The following ZC2HC1B variants were observed in gnomAD, a reference collection of about 807,000 sequenced individuals.
ZC2HC1B encodes the protein zinc finger C2HC domain-containing protein 1B.
In ZC2HC1B, 36 loss-of-function variants were observed where a neutral mutation model predicts 31.0. The ratio of observed to expected loss-of-function variants is 1.16; its 90% confidence interval spans 0.89 to 1.54. The LOEUF (loss-of-function observed/expected upper bound fraction) is 1.54, where lower values mean the gene tolerates loss of function less well. ZC2HC1B is among the 40% of genes most tolerant of loss of function. The pLI, the probability that ZC2HC1B is intolerant of heterozygous loss-of-function variation, is 0.00. For synonymous variants in ZC2HC1B, 73 were observed against 88.0 expected (o/e 0.83, Z 0.95); for missense variants, 260 against 268.6 (o/e 0.97, Z 0.22).
Position 143,884,925 on chromosome 6 carries a change from A to G in ZC2HC1B, c.90+560A>G, listed in dbSNP as rs1777512492. ...TGTTGTACAGATTCAAGCTAACGGC[A>G]TGTCAAGTCCCCGATTGATGGCTAT... On this transcript the variant is annotated intron_variant, in intron 2 of 7. Coordinates refer to ENST00000237275, the MANE Select transcript of ZC2HC1B (RefSeq NM_001013623.3). This position sits in a 1 kb window ranked among gnomAD's most constrained non-coding sequence, Gnocchi z 5.1. Among the ~76,000 whole-genome samples the G allele has an allele frequency of 6.6e-6, 1 of 152,224 alleles. No homozygotes were observed. The highest frequency in any genetic ancestry group is 2.4e-5 in the African/African-American group (1 of 41,462).
In ZC2HC1B at chr6:143,921,363, A is replaced by G. The variant is rs1379961597; in HGVS notation, c.599-16286A>G. 6.6e-6 allele frequency among the ~76,000 whole-genome samples: 1 copy of G among 152,248 alleles called. No individual in the cohort carries two copies. Among genetic ancestry groups the G allele is most frequent in the African/African-American group, 2.4e-5 (1 of 41,466 alleles). ...AAAGAAATGGAATATAAGTTTCAAG[A>G]AAGGGGAATTCTCTACTGTATCTTT... is the stretch of plus-strand genomic sequence containing the variant. On this transcript the variant is annotated intron_variant, in intron 6 of 7. Transcript: ENST00000237275. The surrounding 1 kb of genome is among the most constrained non-coding windows in gnomAD (Gnocchi z 6.1).
chr6:143,882,289 G>A (rs949339574), intron 1 of ZC2HC1B, among the ~76,000 whole-genome samples: 1 of 139,346 alleles, frequency 7.2e-6, no homozygotes, highest in African/African-American at 2.8e-5. Context: ...GTAGTTTCAG[G>A]TTGTGGTACC....
intron 6 of ZC2HC1B, among the ~76,000 whole-genome samples, chr6:143,906,079 C>T (rs1777791019): frequency 6.6e-6 from 1 of 152,184 alleles, no homozygotes; most frequent in East Asian, 1.9e-4. Context: ...TTCTTCAACA[C>T]ATTTGGGAAA....
At chr6:143,876,159 T>C (rs917247832) in intron 1 of ZC2HC1B, among the ~76,000 whole-genome samples, 1 of 150,624 alleles carries the variant, frequency 6.6e-6, no homozygotes, top group African/African-American at 2.5e-5. Context: ...GAGATAAGAC[T>C]CTCACTCAGG....
intron 1 of ZC2HC1B, among the ~76,000 whole-genome samples, chr6:143,874,915 C>A (rs1488330426): frequency 6.6e-6 from 1 of 152,168 alleles, no homozygotes. Flanking sequence ...TCACTGCAAC[C>A]ACCACCTCCC....
In ZC2HC1B at chr6:143,905,979, A is replaced by C. The variant is rs1300771673; in HGVS notation, c.598+2827A>C. 6.6e-6 allele frequency among the ~76,000 whole-genome samples: 1 copy of C among 152,178 alleles called. No homozygotes were observed. Among genetic ancestry groups the C allele is most frequent in the Non-Finnish European group, 1.5e-5 (1 of 68,024 alleles). On this transcript the variant is annotated intron_variant, in intron 6 of 7. Transcript: ENST00000237275. The surrounding 1 kb of genome is among the most constrained non-coding windows in gnomAD (Gnocchi z 4.2). ...TTAGTATTTTATTGAGGATTTTTGC[A>C]TTAATGTTCATAAGAGATGTAGTTT...
At chr6:143,920,317 A>G (rs1777972685) in intron 6 of ZC2HC1B, among the ~76,000 whole-genome samples, 1 of 152,214 alleles carries the variant, frequency 6.6e-6, no homozygotes, top group Non-Finnish European at 1.5e-5. Context: ...GAGATCGTGA[A>G]TGGGAAAAGA....
intron 4 of ZC2HC1B, among the ~76,000 whole-genome samples, chr6:143,893,011 A>T (rs1171469568): frequency 1.3e-5 from 2 of 152,164 alleles, no homozygotes; most frequent in East Asian, 1.9e-4. Flanking sequence ...AGAAAAAAAA[A>T]AATGGAAAGG....
chr6:143,882,332 T>TATATATATATATATATATATATATA (rs1554237224), intron 1 of ZC2HC1B, among the ~76,000 whole-genome samples: 2 of 67,404 alleles, frequency 3.0e-5, no homozygotes, highest in African/African-American at 1.6e-4. Context: ...ATTTTATATT[T>TATATATATATATATATATATATATA]TTTATATATA....
In ZC2HC1B at chr6:143,905,517, C is replaced by T. The variant is rs995679440; in HGVS notation, c.598+2365C>T. Among the ~76,000 whole-genome samples the T allele has an allele frequency of 3.9e-5, 6 of 152,158 alleles. No homozygotes were observed. The highest frequency in any genetic ancestry group is 8.8e-5 in the Non-Finnish European group (6 of 68,026). On this transcript the variant is annotated intron_variant, in intron 6 of 7. Transcript: ENST00000237275. The surrounding 1 kb of genome is among the most constrained non-coding windows in gnomAD (Gnocchi z 4.2). ...GCATCTGTGAACAGAGATAATTTTA[C>T]TTCCTCCTTTCCAATTTGGATGCCT...
At chr6:143,890,233 T>C (rs888243059) in intron 4 of ZC2HC1B, among the ~76,000 whole-genome samples, 2 of 151,986 alleles carry the variant, frequency 1.3e-5, no homozygotes, top group Non-Finnish European at 2.9e-5. Context: ...AAACTTTCTC[T>C]TTAAAAGATT....
In ZC2HC1B at chr6:143,924,221, GTTTTC is replaced by G. The variant is rs1045872567; in HGVS notation, c.599-13423_599-13419del. On this transcript the variant is annotated intron_variant, in intron 6 of 7. Coordinates refer to ENST00000237275, the MANE Select transcript of ZC2HC1B (RefSeq NM_001013623.3). This position sits in a 1 kb window ranked among gnomAD's most constrained non-coding sequence, Gnocchi z 5.2. Reference sequence around the variant, plus strand: ...TTTTGTAGCTATTGTAAATGAGATTGTTTTCTTTTTTAGCCAGTTTATTATTGGCA... The same window carrying G: ...TTTTGTAGCTATTGTAAATGAGATTGTTTTTTAGCCAGTTTATTATTGGCA... 1.3e-5 allele frequency among the ~76,000 whole-genome samples: 2 copies of G among 151,492 alleles called. No individual in the cohort carries two copies. The highest frequency in any genetic ancestry group is 4.8e-5 in the African/African-American group (2 of 41,258).
At chr6:143,907,287 G>GTA (rs1777807118) in intron 6 of ZC2HC1B, among the ~76,000 whole-genome samples, 1 of 152,110 alleles carries the variant, frequency 6.6e-6, no homozygotes, top group Non-Finnish European at 1.5e-5. Flanking sequence ...ATTCCTTTGG[G>GTA]TATATACCCA....
chr6:143,905,348 T>A lies in ZC2HC1B; in HGVS notation c.598+2196T>A, dbSNP rs900513803. Among the ~76,000 whole-genome samples the A allele has an allele frequency of 5.9e-5, 9 of 151,996 alleles. No individual in the cohort carries two copies. Among genetic ancestry groups the A allele is most frequent in the African/African-American group, 1.9e-4 (8 of 41,396 alleles). On this transcript the variant is annotated intron_variant, in intron 6 of 7. Coordinates refer to ENST00000237275, the MANE Select transcript of ZC2HC1B (RefSeq NM_001013623.3). This position sits in a 1 kb window ranked among gnomAD's most constrained non-coding sequence, Gnocchi z 4.2. Reference sequence around the variant, plus strand: ...ATTGTAAATGTAGTTGTCTTCATAATTTTTTTTGATTGTTCATTGTCAGTA... The same window carrying A: ...ATTGTAAATGTAGTTGTCTTCATAAATTTTTTTGATTGTTCATTGTCAGTA...
chr6:143,891,499 G>A (rs1320108408), intron 4 of ZC2HC1B, among the ~76,000 whole-genome samples: 1 of 152,020 alleles, frequency 6.6e-6, no homozygotes, highest in Non-Finnish European at 1.5e-5. Flanking sequence ...TCAAGAGTTT[G>A]AGACCAGCTT....
At chr6:143,919,561 C>G (rs564465967) in intron 6 of ZC2HC1B, among the ~76,000 whole-genome samples, 14 of 152,252 alleles carry the variant, frequency 9.2e-5, no homozygotes, top group Non-Finnish European at 1.9e-4. Context: ...CCACCTGCCT[C>G]TTTGTACCTC....
At chr6:143,909,314 A>G (rs772074847) in intron 6 of ZC2HC1B, among the ~76,000 whole-genome samples, 8 of 151,994 alleles carry the variant, frequency 5.3e-5, no homozygotes, top group Non-Finnish European at 1.2e-4. Context: ...TGAGAGTCAC[A>G]TGAACCTGGG....
At chr6:143,881,358 C>G (rs1777465044) in intron 1 of ZC2HC1B, among the ~76,000 whole-genome samples, 1 of 151,710 alleles carries the variant, frequency 6.6e-6, no homozygotes, top group African/African-American at 2.4e-5. Context: ...CGAGACCAGT[C>G]TAAGCAATAT....
intron 1 of ZC2HC1B, among the ~76,000 whole-genome samples, chr6:143,880,679 G>A (rs1777456378): frequency 6.6e-6 from 1 of 151,970 alleles, no homozygotes. Flanking sequence ...TGCTGTTGGA[G>A]CAGGAAAGCA....
Sources: allele counts gnomAD v4.1 joint callset (sites outside exome capture counted in the v4.1 genomes callset), GRCh38; gene constraint gnomAD v4.1.1; non-coding constraint Gnocchi (gnomAD v3.1); transcripts MANE v1.5; gene names NCBI Gene and HGNC (gene_info 2026-07-23, HGNC 2026-07-21).